The following GFM1 variants were observed in gnomAD, a reference collection of about 807,000 sequenced individuals.
GFM1 encodes G elongation factor mitochondrial 1, also known as elongation factor G, mitochondrial.
Under a neutral mutation model 96.2 loss-of-function variants are expected in GFM1, and 62 were observed. That is an observed-to-expected ratio of 0.64 (90% CI 0.53 to 0.80). The LOEUF is 0.80. Among genes scored for constraint, GFM1 ranks in the 30% least tolerant of loss-of-function variants. GFM1 has a pLI of 0.00. For synonymous variants in GFM1, 282 were observed against 312.9 expected, an observed-to-expected ratio of 0.90 and a Z score of 1.04; for missense variants, 852 against 916.6, an observed-to-expected ratio of 0.93 and a Z score of 0.91.
rs1721840001 is a variant in GFM1, at chr3:158,646,751, G to A, written c.376G>A (p.Asp126Asn). Residue 126 changes from aspartate (D) to asparagine (N), a missense_variant, in exon 4 of 18, where the codon GAC becomes AAC. By Grantham distance (23) the Asp-to-Asn change is conservative. Transcript: ENST00000486715. ...INIIDTPGHV[D>N]FTIEVERALR... The stretch of plus-strand genomic sequence containing the variant: ...TACTTCATCTTATTCAGGGCATGTG[G>A]ACTTCACAATAGAAGTGGAAAGGGC... The A allele has an allele frequency of 6.2e-7, 1 of 1,613,166 alleles. No homozygotes were observed. Among genetic ancestry groups the A allele is most frequent in the African/African-American group, 1.3e-5 (1 of 74,922 alleles).
chr3:158,671,524 C>T (rs543978811), intron 13 of GFM1, among the ~76,000 whole-genome samples: 13 of 152,200 alleles, frequency 8.5e-5, no homozygotes, highest in Admixed American at 3.9e-4. Context: ...AAATGATTAA[C>T]AAATTATATA....
intron 13 of GFM1, among the ~76,000 whole-genome samples, chr3:158,678,556 G>A (rs900781730): frequency 2.0e-5 from 3 of 152,196 alleles, no homozygotes; most frequent in African/African-American, 7.2e-5. Context: ...AATTAGAAGT[G>A]GAACCTGAAG....
intron 13 of GFM1, chr3:158,672,636 G>C: frequency 1.2e-6 from 1 of 846,202 alleles, no homozygotes; most frequent in Non-Finnish European, 1.8e-6. Flanking sequence ...TCCGACTCCG[G>C]AAGCTGCTGT....
intron 13 of GFM1, among the ~76,000 whole-genome samples, chr3:158,680,792 G>A (rs1403322431): frequency 1.3e-5 from 2 of 152,108 alleles, no homozygotes; most frequent in East Asian, 1.9e-4. Flanking sequence ...TGTTTGGCAC[G>A]CTCTCGATTA....
chr3:158,645,085 A>C (rs1025776573), intron 1 of GFM1, among the ~76,000 whole-genome samples: 22 of 150,486 alleles, frequency 1.5e-4, no homozygotes, highest in African/African-American at 4.6e-4. Flanking sequence ...TCCATCTAAT[A>C]GGGATCCCCA....
intron 13 of GFM1, chr3:158,672,715 C>T (rs973968580): frequency 2.3e-6 from 1 of 427,178 alleles, no homozygotes; most frequent in Admixed American, 3.5e-5. Flanking sequence ...CCACTACTGC[C>T]TGCAGCGGGC....
chr3:158,682,494 G>T, intron 14 of GFM1: 1 of 253,986 alleles, frequency 3.9e-6, no homozygotes. Context: ...GCAGCAGAAT[G>T]ATCATTCTTT....
intron 5 of GFM1, chr3:158,650,676 A>G (rs551357489): frequency 6.6e-6 from 1 of 152,486 alleles, no homozygotes; most frequent in East Asian, 1.9e-4. Context: ...TATTAAAGTT[A>G]GGAATGTGTT....
chr3:158,667,829 T>C (rs892342569), intron 13 of GFM1, among the ~76,000 whole-genome samples: 3 of 152,072 alleles, frequency 2.0e-5, no homozygotes, highest in Non-Finnish European at 4.4e-5. Context: ...CACCTGAGAA[T>C]AGTAAAATGT....
chr3:158,678,342 G>C (rs1725077977), intron 13 of GFM1, among the ~76,000 whole-genome samples: 1 of 152,146 alleles, frequency 6.6e-6, no homozygotes, highest in African/African-American at 2.4e-5. Context: ...TCCTCTGATG[G>C]ATCTGGACGA....
intron 10 of GFM1, 29 bp downstream of exon 10, chr3:158,661,004 T>C: frequency 6.5e-7 from 1 of 1,542,912 alleles, no homozygotes. Context: ...AAGCTACTTA[T>C]CACTAGAATT....
At chr3:158,683,220 A>C (rs1160647745) in intron 14 of GFM1, among the ~76,000 whole-genome samples, 2 of 152,170 alleles carry the variant, frequency 1.3e-5, no homozygotes, top group African/African-American at 4.8e-5. Context: ...ACACACTTTA[A>C]ATTCTTATAT....
At chr3:158,650,128 A>C (rs1722176780) in intron 5 of GFM1, 4 of 1,295,244 alleles carry the variant, frequency 3.1e-6, no homozygotes, top group Non-Finnish European at 4.3e-6. Context: ...TGTAAGCAGG[A>C]AAAGGATGGA....
chr3:158,680,127 T>C (rs1725241111), intron 13 of GFM1, among the ~76,000 whole-genome samples: 1 of 152,176 alleles, frequency 6.6e-6, no homozygotes, highest in South Asian at 2.1e-4. Flanking sequence ...TTGAAAACAA[T>C]GTGGCCCTGA....
rs950159161 is a variant in GFM1, at chr3:158,682,484, G to A, written c.1764+327G>A. The A allele has an allele frequency of 3.0e-5, 8 of 267,256 alleles. No homozygotes were observed. In the Admixed American group the frequency reaches 3.9e-4, roughly 13 times the overall value. 16.6% of individuals were successfully genotyped at this position (267,256 alleles called of 1,614,324 possible). ...TTATAAGAGTTTTATGTGTACTATT[G>A]CAGCAGAATGATCATTCTTTAGATT... On this transcript the variant is annotated intron_variant, in intron 14 of 17. Transcript: ENST00000486715.
intron 8 of GFM1, among the ~76,000 whole-genome samples, chr3:158,655,104 C>T (rs917930691): frequency 6.6e-5 from 10 of 152,074 alleles, no homozygotes; most frequent in Admixed American, 5.9e-4. Context: ...TGAAGGGTAG[C>T]GAATTAATGT....
At chr3:158,647,219 G>C (rs1336633548) in intron 4 of GFM1, among the ~76,000 whole-genome samples, 1 of 152,120 alleles carries the variant, frequency 6.6e-6, no homozygotes. Flanking sequence ...CGTTTATACT[G>C]TTTTGCTATT....
intron 5 of GFM1, chr3:158,649,919 G>A: frequency 8.8e-7 from 1 of 1,140,074 alleles, no homozygotes; most frequent in East Asian, 2.6e-5. Flanking sequence ...CACACTTTGA[G>A]TGACACTGAT....
intron 5 of GFM1, among the ~76,000 whole-genome samples, chr3:158,651,411 G>A (rs1374266018): frequency 6.6e-6 from 1 of 152,156 alleles, no homozygotes; most frequent in Non-Finnish European, 1.5e-5. Context: ...CTGTTTACTA[G>A]TAGGACAGCC....
Sources: gnomAD v4.1 joint callset for allele counts (sites outside exome capture counted in the v4.1 genomes callset) on GRCh38, gnomAD v4.1.1 for gene constraint, MANE v1.5 for transcripts, NCBI Gene and HGNC (gene_info 2026-07-23, HGNC 2026-07-21) for gene names.